The following UXS1 variants were observed in gnomAD, a reference collection of about 807,000 sequenced individuals.
UXS1 encodes UDP-glucuronate decarboxylase 1, also known as UDP-glucuronic acid decarboxylase 1.
Under a neutral mutation model 62.6 loss-of-function variants are expected in UXS1, and 33 were observed. The ratio of observed to expected loss-of-function variants is 0.53; its 90% CI spans 0.40 to 0.70. UXS1 has a LOEUF of 0.70. UXS1 is among the 30% of genes least tolerant of loss of function. The pLI is 0.00. For synonymous variants in UXS1, 213 were observed against 206.8 expected, an observed-to-expected ratio of 1.03 and a Z score of -0.26; for missense variants, 434 against 556.3, an observed-to-expected ratio of 0.78 and a Z score of 2.21.
intron 5 of UXS1, among the ~76,000 whole-genome samples, chr2:106,149,663 T>C (rs1681858043): frequency 6.6e-6 from 1 of 152,200 alleles, no homozygotes; most frequent in South Asian, 2.1e-4. Flanking sequence ...TTAGGTACTC[T>C]GTCATAGCAG....
chr2:106,143,421 AAAAAAAAAAAAAAAAAAG>A (rs954594563), intron 6 of UXS1, among the ~76,000 whole-genome samples: 2 of 146,396 alleles, frequency 1.4e-5, no homozygotes, highest in Non-Finnish European at 3.0e-5. Context: ...AAAAAAAAAA[AAAAAAAAAAAAAAAAAAG>A]GTATAATTTG....
intron 9 of UXS1, among the ~76,000 whole-genome samples, chr2:106,115,948 T>A (rs1049703332): frequency 2.0e-5 from 3 of 152,176 alleles, no homozygotes; most frequent in South Asian, 2.1e-4. Context: ...ACACTAGGAT[T>A]GCAAGGAACA....
Position 106,166,076 on chromosome 2 carries a change from C to G in UXS1, c.102G>C (p.Trp34Cys), listed in dbSNP as rs369433460. 25 of 1,610,494 alleles carry G rather than the reference C, an allele frequency of 1.6e-5. No homozygotes were observed. In the African/African-American group the frequency reaches 2.4e-4, roughly 15 times the overall value. Reference protein sequence around the residue: ...IALLAYVASVWGNFVNMSFLL... With the variant: ...IALLAYVASVCGNFVNMSFLL... The stretch of plus-strand genomic sequence containing the variant: ...ATTACCTCATATTAACGAAGTTGCC[C>G]CAAACAGCTGTAAGAGAAAGAAAAA... Residue 34 changes from tryptophan to cysteine, a missense_variant, in exon 2 of 15, where the codon TGG (tryptophan) becomes TGC (cysteine). By Grantham distance (215) the Trp-to-Cys change is radical. Transcript: ENST00000283148.
chr2:106,127,241 C>A (rs972819480), intron 7 of UXS1, among the ~76,000 whole-genome samples: 1 of 152,162 alleles, frequency 6.6e-6, no homozygotes, highest in African/African-American at 2.4e-5. Flanking sequence ...ATTTTCATTT[C>A]TCTGGGAGAA....
intron 13 of UXS1, among the ~76,000 whole-genome samples, chr2:106,098,187 C>T (rs1185718972): frequency 6.6e-6 from 1 of 152,254 alleles, no homozygotes; most frequent in Non-Finnish European, 1.5e-5. Context: ...GCCAAGGGCT[C>T]ATCCACTCTA....
chr2:106,122,270 A>G (rs967405137), intron 9 of UXS1, among the ~76,000 whole-genome samples: 3 of 152,244 alleles, frequency 2.0e-5, no homozygotes, highest in African/African-American at 7.2e-5. Context: ...CTCAGTGAGA[A>G]CATGAATGGG....
intron 4 of UXS1, 61 bp downstream of exon 4, chr2:106,163,606 A>C: frequency 8.2e-7 from 1 of 1,213,430 alleles, no homozygotes. Context: ...AAACAGAATT[A>C]ATTACTCAAT....
At chr2:106,108,856 A>G (rs1206752730) in intron 10 of UXS1, among the ~76,000 whole-genome samples, 2 of 152,104 alleles carry the variant, frequency 1.3e-5, no homozygotes, top group Non-Finnish European at 2.9e-5. Context: ...AGCCTCGAGT[A>G]CCTTCTCCTA....
chr2:106,157,565 C>T lies in UXS1; in HGVS notation c.291+493G>A, dbSNP rs191199671. Among the ~76,000 whole-genome samples the T allele has an allele frequency of 3.8e-3, 584 of 152,296 alleles. 3 individuals carry two copies. The highest frequency in any genetic ancestry group is 6.7e-3 in the Non-Finnish European group (458 of 68,030). ...TCCTGTGTCCACACGAAAACTTACACACATGCATTCATAGCAGCATTATTC... is the reference window on the plus strand; with the variant it reads ...TCCTGTGTCCACACGAAAACTTACATACATGCATTCATAGCAGCATTATTC... On this transcript the variant is annotated intron_variant, in intron 5 of 14. Transcript: ENST00000283148.
intron 5 of UXS1, among the ~76,000 whole-genome samples, chr2:106,155,325 G>A (rs1446368551): frequency 6.6e-6 from 1 of 152,168 alleles, no homozygotes; most frequent in East Asian, 1.9e-4. Flanking sequence ...TTCATTGCTA[G>A]CAGACCTACC....
chr2:106,138,153 A>C, intron 6 of UXS1: 5 of 984,954 alleles, frequency 5.1e-6, no homozygotes, highest in Non-Finnish European at 6.0e-6. Flanking sequence ...ATCAAACAGA[A>C]AGCCACTATC....
intron 1 of UXS1, among the ~76,000 whole-genome samples, chr2:106,193,937 C>G (rs568889028): frequency 6.6e-6 from 1 of 152,036 alleles, no homozygotes; most frequent in East Asian, 2.0e-4. Context: ...GGTCCGCGCC[C>G]GGGCCTAAGC....
At chr2:106,116,202 C>A (rs896896941) in intron 9 of UXS1, among the ~76,000 whole-genome samples, 3 of 152,194 alleles carry the variant, frequency 2.0e-5, no homozygotes, top group African/African-American at 7.2e-5. Flanking sequence ...ATGTTACCAG[C>A]AGGGATTACA....
intron 1 of UXS1, among the ~76,000 whole-genome samples, chr2:106,181,789 G>A (rs1684261559): frequency 6.6e-6 from 1 of 152,272 alleles, no homozygotes; most frequent in South Asian, 2.1e-4. Context: ...TTCTCACCAC[G>A]ACTTTTAGGA....
At chr2:106,172,426 T>C (rs966741237) in intron 1 of UXS1, among the ~76,000 whole-genome samples, 5 of 152,216 alleles carry the variant, frequency 3.3e-5, no homozygotes, top group Admixed American at 1.3e-4. Flanking sequence ...ACAGGGCAAA[T>C]GCAGGTCTCT....
intron 1 of UXS1, among the ~76,000 whole-genome samples, chr2:106,191,322 C>A (rs537387656): frequency 1.3e-5 from 2 of 152,244 alleles, no homozygotes; most frequent in Admixed American, 6.5e-5. Flanking sequence ...TTTTTTCAAA[C>A]AGTGGTGAGA....
intron 6 of UXS1, among the ~76,000 whole-genome samples, chr2:106,143,104 A>G (rs1342173662): frequency 6.6e-6 from 1 of 152,094 alleles, no homozygotes; most frequent in Non-Finnish European, 1.5e-5. Flanking sequence ...GTCATAAAAT[A>G]AATGTTTCTT....
intron 10 of UXS1, among the ~76,000 whole-genome samples, chr2:106,108,960 C>T (rs1297935885): frequency 2.1e-5 from 3 of 144,998 alleles, no homozygotes; most frequent in Non-Finnish European, 4.6e-5. Flanking sequence ...TATCTGATCA[C>T]CCTCGACATC....
Position 106,094,060 on chromosome 2 carries a change from G to T in UXS1, c.1244C>A (p.Ala415Asp). The change falls in exon 15 of 15, where the codon GCC becomes GAC. Residue 415 changes from alanine (A) to aspartate (D), a missense_variant. This residue lies in a region of UXS1 where 209 missense variants were observed against 233.3 expected (regional missense o/e 0.90). Coordinates refer to ENST00000283148, the MANE Select transcript of UXS1 (RefSeq NM_001253875.2). ...GCGAGTCCGTCCTTTCTTTATTCTG[G>T]CAGGCTTTGGTTTGGGGATGTACTG... ...NNQYIPKPKP[A>D]RIKKGRTRHS 6.2e-7 allele frequency: 1 copy of T among 1,612,854 alleles called. No homozygotes were observed. Among genetic ancestry groups the T allele is most frequent in the Non-Finnish European group, 8.5e-7 (1 of 1,179,640 alleles).
Sources: gnomAD v4.1 joint callset for allele counts (sites outside exome capture counted in the v4.1 genomes callset) on GRCh38, gnomAD v4.1.1 for gene constraint, gnomAD v4.1.1 regional missense constraint, MANE v1.5 for transcripts, NCBI Gene and HGNC (gene_info 2026-07-23, HGNC 2026-07-21) for gene names.